The following COLEC11 variants were observed in gnomAD, a reference collection of about 807,000 sequenced individuals.
The protein encoded by COLEC11 is collectin subfamily member 11.
Under a neutral mutation model 27.3 loss-of-function variants are expected in COLEC11, and 20 were observed. The ratio of observed to expected loss-of-function variants is 0.73; its 90% CI spans 0.51 to 1.06. COLEC11 has a LOEUF of 1.06. COLEC11 is among the 50% of genes least tolerant of loss of function. The pLI is 0.00. For synonymous variants in COLEC11, 163 were observed against 154.7 expected (o/e 1.05, Z -0.40); for missense variants, 310 against 383.0 (o/e 0.81, Z 1.59).
chr2:3,638,181 C>T (rs773162097), intron 4 of COLEC11, among the ~76,000 whole-genome samples: 1 of 152,216 alleles, frequency 6.6e-6, no homozygotes, highest in Admixed American at 6.5e-5. Context: ...AGATCAGCTG[C>T]GCCTCCCGTG....
chr2:3,644,240 G>GT lies in COLEC11; in HGVS notation c.*123dup. 1 of 1,226,278 alleles carries GT rather than the reference G, an allele frequency of 8.2e-7. No homozygotes were observed. The highest frequency in any genetic ancestry group is 1.2e-6 in the Non-Finnish European group (1 of 852,216). The allele number at this position is 1,226,278 out of a possible 1,614,324, so 76.0% of individuals were successfully genotyped here. A position where few individuals can be genotyped will look rare whatever the true frequency, so the allele number is the denominator to read the frequency against. On this transcript the variant is annotated 3_prime_UTR_variant, in exon 7 of 7. Transcript: ENST00000349077. Reference sequence around the variant, plus strand: ...TCTGTGAAGGGTGGAGGCTCACTGAGTAGAGGGCTGTTGTCTAAACTGAGA... The same window carrying GT: ...TCTGTGAAGGGTGGAGGCTCACTGAGTTAGAGGGCTGTTGTCTAAACTGAGA...
At position 3,643,965 on chromosome 2, in the gene COLEC11, C is replaced by T. The variant is rs199962584; in HGVS notation, c.663C>T (p.Pro221=). The T allele has an allele frequency of 2.5e-6, 4 of 1,614,070 alleles. No homozygotes were observed. The African/African-American group carries it at 4.0e-5, about 16-fold the overall frequency. ...EGAFVYSDHS[P]MRTFNKWRSG... is the part of the protein sequence containing the mutation. ...CCTTCGTGTACTCTGACCACTCCCC[C>T]ATGCGGACCTTCAACAAGTGGCGCA... The change falls in exon 7 of 7, where the codon CCC becomes CCT. Residue 221 remains proline, a synonymous_variant. Coordinates refer to ENST00000349077, the MANE Select transcript of COLEC11 (RefSeq NM_024027.5).
chr2:3,625,852 T>C (rs1664517348), intron 3 of COLEC11, among the ~76,000 whole-genome samples: 1 of 152,144 alleles, frequency 6.6e-6, no homozygotes, highest in South Asian at 2.1e-4. Context: ...ACACTGGTCT[T>C]GAACTCCTGA....
chr2:3,607,958 TG>T (rs1199975635), intron 2 of COLEC11, among the ~76,000 whole-genome samples: 2 of 152,202 alleles, frequency 1.3e-5, no homozygotes, highest in African/African-American at 4.8e-5. Context: ...TGGGGTGCCG[TG>T]GCACTTGTTG....
intron 1 of COLEC11, among the ~76,000 whole-genome samples, chr2:3,597,218 G>C (rs1313556695): frequency 6.6e-6 from 1 of 151,708 alleles, no homozygotes; most frequent in Non-Finnish European, 1.5e-5. Flanking sequence ...GCTGCTCCGG[G>C]GTCAGTGAAT....
At chr2:3,640,400 G>C in intron 5 of COLEC11, 69 bp downstream of exon 5, 1 of 872,716 alleles carries the variant, frequency 1.1e-6, no homozygotes. Flanking sequence ...AAACAATGTA[G>C]ATCTACACCA....
intron 3 of COLEC11, among the ~76,000 whole-genome samples, chr2:3,628,861 G>A (rs539822250): frequency 2.0e-4 from 30 of 152,324 alleles, no homozygotes; most frequent in Admixed American, 1.2e-3. Context: ...GATGGGAGGC[G>A]CAGCACTGCT....
At chr2:3,625,864 C>G in intron 3 of COLEC11, 1 of 718,866 alleles carries the variant, frequency 1.4e-6, no homozygotes, top group South Asian at 1.4e-5. Flanking sequence ...AACTCCTGAC[C>G]TCAAGAGATC....
At chr2:3,636,017 T>C (rs1333979264) in intron 3 of COLEC11, among the ~76,000 whole-genome samples, 1 of 152,268 alleles carries the variant, frequency 6.6e-6, no homozygotes, top group Non-Finnish European at 1.5e-5. Context: ...TTCCATCCTC[T>C]GGTTTCTGTC....
chr2:3,625,072 C>T (rs1214077883), intron 3 of COLEC11, among the ~76,000 whole-genome samples: 2 of 152,178 alleles, frequency 1.3e-5, no homozygotes. Context: ...TTCATTTCTA[C>T]CTCTTAAAGA....
intron 1 of COLEC11, among the ~76,000 whole-genome samples, chr2:3,595,417 G>A (rs963197711): frequency 2.0e-5 from 3 of 152,254 alleles, no homozygotes; most frequent in Non-Finnish European, 4.4e-5. Context: ...CCCATGAGAG[G>A]TGCTGGATGA....
At chr2:3,625,349 G>A (rs895440704) in intron 3 of COLEC11, among the ~76,000 whole-genome samples, 1 of 152,182 alleles carries the variant, frequency 6.6e-6, no homozygotes, top group African/African-American at 2.4e-5. Context: ...GGATGTGCAG[G>A]ACAGCGACTG....
At chr2:3,604,644 A>G (rs1175168598) in intron 2 of COLEC11, among the ~76,000 whole-genome samples, 174 bp downstream of exon 2, 3 of 152,170 alleles carry the variant, frequency 2.0e-5, no homozygotes, top group Non-Finnish European at 4.4e-5. Flanking sequence ...TGATGTCTAA[A>G]CTGTCTTCGG....
intron 3 of COLEC11, among the ~76,000 whole-genome samples, chr2:3,618,876 A>G (rs1663975323): frequency 6.6e-6 from 1 of 152,194 alleles, no homozygotes; most frequent in Non-Finnish European, 1.5e-5. Context: ...CAGGTACACA[A>G]CACTTCCTTG....
intron 3 of COLEC11, among the ~76,000 whole-genome samples, chr2:3,630,257 ACATG>A (rs1243997220): frequency 6.6e-6 from 1 of 152,206 alleles, no homozygotes; most frequent in East Asian, 1.9e-4. Context: ...GTGTATGTGT[ACATG>A]CATGTATGTG....
At chr2:3,618,159 ATTGC>A in intron 3 of COLEC11, among the ~76,000 whole-genome samples, 1 of 152,060 alleles carries the variant, frequency 6.6e-6, no homozygotes, top group Admixed American at 6.5e-5. Flanking sequence ...TGTTTTGTTG[ATTGC>A]TTTCTTTGCT....
At position 3,627,168 on chromosome 2, in the gene COLEC11, TG is replaced by T. The variant is rs564590488; in HGVS notation, c.203-10360del. ...AAAAACAGTGACCTCTGCGGGAACT[TG>T]GGGGCCAAGACTTCCTGGTTTCTAG... On this transcript the variant is annotated intron_variant, in intron 3 of 6. Coordinates refer to ENST00000349077, the MANE Select transcript of COLEC11 (RefSeq NM_024027.5). Among the ~76,000 whole-genome samples, 501 of 152,066 alleles carry T rather than the reference TG, an allele frequency of 3.3e-3. 1 individual carries two copies. Among genetic ancestry groups the T allele is most frequent in the African/African-American group, 0.012 (481 of 41,514 alleles).
intron 3 of COLEC11, among the ~76,000 whole-genome samples, 181 bp from the exon 4 acceptor site, chr2:3,637,352 G>A (rs370694348): frequency 6.6e-6 from 1 of 152,110 alleles, no homozygotes; most frequent in Non-Finnish European, 1.5e-5. Context: ...ATCAACAGGC[G>A]ACCTGCCTGT....
intron 3 of COLEC11, among the ~76,000 whole-genome samples, chr2:3,621,151 A>G (rs1341453847): frequency 1.3e-5 from 2 of 152,142 alleles, no homozygotes; most frequent in Non-Finnish European, 2.9e-5. Flanking sequence ...AGTGTATTCT[A>G]TCTGTTTGCC....
Sources: gnomAD v4.1 joint callset for allele counts (sites outside exome capture counted in the v4.1 genomes callset) on GRCh38, gnomAD v4.1.1 for gene constraint, MANE v1.5 for transcripts, NCBI Gene and HGNC (gene_info 2026-07-23, HGNC 2026-07-21) for gene names.